XKR5: variants seen among roughly 807,000 people sequenced by gnomAD.
XKR5 encodes the protein XK related 5.
A neutral mutation model predicts 40.8 loss-of-function variants in XKR5; 46 were observed. That is an observed-to-expected ratio of 1.13 (90% CI 0.89 to 1.44). The LOEUF (loss-of-function observed/expected upper bound fraction) is 1.44. Among genes scored for constraint, XKR5 ranks in the 40% most tolerant of loss-of-function variants. The pLI, the probability that XKR5 is intolerant of heterozygous loss-of-function variation, is 0.00. For synonymous variants in XKR5, 466 were observed against 356.1 expected, an observed-to-expected ratio of 1.31 and a Z score of -3.48; for missense variants, 1,169 against 844.7, an observed-to-expected ratio of 1.38 and a Z score of -4.76.
rs751607736 is a variant in XKR5 at position 6,811,889 on chromosome 8, G to A, written c.1370C>T (p.Ser457Phe). The A allele has an allele frequency of 1.3e-6, 2 of 1,537,500 alleles. No individual in the cohort carries two copies. The highest frequency in any genetic ancestry group is 2.4e-5 in the South Asian group (2 of 84,070). Residue 457 changes from serine to phenylalanine, a missense_variant, in exon 7 of 7, where the codon TCC becomes TTC. Transcript: ENST00000618742. ...KALSAQQELPSSSRDPSTLEN... is the reference protein window; with the variant it reads ...KALSAQQELPFSSRDPSTLEN... ...TAAGGTTGAGGGGTCACGGGATGAG[G>A]ATGGGAGCTCTTGCTGGGCAGACAA...
chr8:6,822,581 C>T (rs932152510), intron 4 of XKR5, among the ~76,000 whole-genome samples: 1 of 152,042 alleles, frequency 6.6e-6, no homozygotes, highest in Non-Finnish European at 1.5e-5. Context: ...ATCTTTTTGG[C>T]CAATAACTGT....
chr8:6,832,325 T>C (rs1391688114), intron 2 of XKR5, among the ~76,000 whole-genome samples: 2 of 152,224 alleles, frequency 1.3e-5, no homozygotes, highest in African/African-American at 2.4e-5. Flanking sequence ...CTTCATTGTC[T>C]AGTCTGTGGT....
At chr8:6,816,890 G>A (rs1413938736) in intron 5 of XKR5, among the ~76,000 whole-genome samples, 1 of 151,940 alleles carries the variant, frequency 6.6e-6, no homozygotes, top group East Asian at 1.9e-4. Context: ...CAAATAAGGA[G>A]AGAAATAAAA....
intron 3 of XKR5, 52 bp downstream of exon 3, chr8:6,825,113 T>C: frequency 6.2e-7 from 1 of 1,602,850 alleles, no homozygotes; most frequent in Non-Finnish European, 8.5e-7. Flanking sequence ...CTCACATTCC[T>C]GTCCCCCTTC....
At chr8:6,835,066 T>G (rs900332346) in intron 1 of XKR5, among the ~76,000 whole-genome samples, 2 of 151,978 alleles carry the variant, frequency 1.3e-5, no homozygotes. Context: ...CGCAGCACTT[T>G]GCAAAGCTTG....
chr8:6,813,494 T>G (rs1803826364), intron 6 of XKR5, among the ~76,000 whole-genome samples: 1 of 152,180 alleles, frequency 6.6e-6, no homozygotes, highest in African/African-American at 2.4e-5. Context: ...TGGCACGCAG[T>G]TGGTACTCAG....
chr8:6,826,484 G>C (rs568509120), intron 2 of XKR5, among the ~76,000 whole-genome samples: 1 of 152,122 alleles, frequency 6.6e-6, no homozygotes, highest in African/African-American at 2.4e-5. Flanking sequence ...AGTGGAGTTG[G>C]AGATCAGGAT....
Position 6,811,246 on chromosome 8 carries a change from G to C in XKR5, c.2013C>G (p.Asp671Glu). 1 of 1,537,328 alleles carries C rather than the reference G, an allele frequency of 6.5e-7. No individual in the cohort carries two copies. Among genetic ancestry groups the C allele is most frequent in the Non-Finnish European group, 8.7e-7 (1 of 1,146,932 alleles). ...STPKSESIQT[D>E]CSCREQMKQE... ...GCTTCATCTGTTCCCTGCAGCTGCAGTCCGTTTGGATAGACTCAGACTTAG... is the reference window on the plus strand; with the variant it reads ...GCTTCATCTGTTCCCTGCAGCTGCACTCCGTTTGGATAGACTCAGACTTAG... Residue 671 changes from aspartate to glutamate, a missense_variant, in exon 7 of 7, where the codon GAC becomes GAG. Coordinates refer to ENST00000618742, the MANE Select transcript of XKR5 (RefSeq NM_207411.5).
intron 1 of XKR5, among the ~76,000 whole-genome samples, chr8:6,834,408 C>A (rs1039696290): frequency 1.3e-5 from 2 of 152,252 alleles, no homozygotes; most frequent in Non-Finnish European, 2.9e-5. Context: ...CGGCAGCCTC[C>A]CTTGCACGAA....
chr8:6,812,989 A>T (rs1454066846), intron 6 of XKR5, among the ~76,000 whole-genome samples: 1 of 152,278 alleles, frequency 6.6e-6, no homozygotes, highest in African/African-American at 2.4e-5. Flanking sequence ...AGAGCATTCC[A>T]GTAAGCCTCC....
intron 5 of XKR5, 76 bp downstream of exon 5, chr8:6,821,793 C>A (rs1160476316): frequency 1.6e-6 from 2 of 1,290,306 alleles, no homozygotes; most frequent in Non-Finnish European, 2.1e-6. Context: ...CACACACACA[C>A]CCCCCACACA....
chr8:6,814,070 G>A (rs907074502), intron 6 of XKR5, among the ~76,000 whole-genome samples: 2 of 152,174 alleles, frequency 1.3e-5, no homozygotes. Flanking sequence ...CTGAAGGAAG[G>A]ATTGCTTGAA....
intron 1 of XKR5, among the ~76,000 whole-genome samples, chr8:6,834,875 C>A (rs1804940607): frequency 6.6e-6 from 1 of 152,162 alleles, no homozygotes; most frequent in South Asian, 2.1e-4. Flanking sequence ...CGCGTCCCGC[C>A]CCGTCCTAAA....
At chr8:6,832,588 G>A (rs1804818991) in intron 2 of XKR5, 129 bp downstream of exon 2, 2 of 1,196,444 alleles carry the variant, frequency 1.7e-6, no homozygotes, top group South Asian at 1.5e-5. Context: ...GGTTTGCTGT[G>A]GCCGCTTTGA....
chr8:6,825,447 T>C (rs1804422106), intron 2 of XKR5, 98 bp from the exon 3 acceptor site: 5 of 1,239,730 alleles, frequency 4.0e-6, no homozygotes, highest in Non-Finnish European at 5.4e-6. Context: ...CTAAGCAATA[T>C]CCTATGCCCT....
At chr8:6,815,185 G>T (rs1372479607) in intron 6 of XKR5, among the ~76,000 whole-genome samples, 2 of 152,200 alleles carry the variant, frequency 1.3e-5, no homozygotes, top group Non-Finnish European at 2.9e-5. Context: ...CCTTTCAAGT[G>T]GGGGGCGGAA....
intron 6 of XKR5, among the ~76,000 whole-genome samples, chr8:6,813,479 C>G (rs1803825771): frequency 6.6e-6 from 1 of 152,188 alleles, no homozygotes; most frequent in Non-Finnish European, 1.5e-5. Flanking sequence ...GTGGCATCCC[C>G]AGGCTGGCAC....
intron 5 of XKR5, among the ~76,000 whole-genome samples, chr8:6,816,432 C>T (rs1177576602): frequency 2.0e-5 from 3 of 151,944 alleles, no homozygotes; most frequent in East Asian, 3.9e-4. Flanking sequence ...GACGGGAGCT[C>T]GCAGGCTGAC....
intron 1 of XKR5, 149 bp from the exon 2 acceptor site, chr8:6,833,049 G>C (rs1327326735): frequency 1.4e-6 from 1 of 739,726 alleles, no homozygotes; most frequent in African/African-American, 1.9e-5. Context: ...TCCCTCCCAA[G>C]GCTAGCAATT....
Sources: gnomAD v4.1 joint callset for allele counts (sites outside exome capture counted in the v4.1 genomes callset) on GRCh38, gnomAD v4.1.1 for gene constraint, MANE v1.5 for transcripts, NCBI Gene and HGNC (gene_info 2026-07-23, HGNC 2026-07-21) for gene names.